Variants in PLCZ1 observed in about 807,000 individuals in gnomAD.
The protein encoded by PLCZ1 is phospholipase C zeta 1.
A neutral mutation model predicts 76.8 loss-of-function variants in PLCZ1; 64 were observed. The ratio of observed to expected loss-of-function variants is 0.83; its 90% CI spans 0.68 to 1.03. The LOEUF is 1.03. PLCZ1 is among the 50% of genes least tolerant of loss of function. PLCZ1 has a pLI of 0.00. For missense variants in PLCZ1, 751 were observed against 713.7 expected, an observed-to-expected ratio of 1.05 and a Z score of -0.60; for synonymous variants, 248 against 230.8, an observed-to-expected ratio of 1.07 and a Z score of -0.68.
the PLCZ1 span, among the ~76,000 whole-genome samples, chr12:18,649,771 A>G: frequency 7.2e-5 from 11 of 152,310 alleles, no homozygotes; most frequent in African/African-American, 2.6e-4. Flanking sequence ...TATTGGATAC[A>G]ATGAGTAACT....
intron 9 of PLCZ1, among the ~76,000 whole-genome samples, chr12:18,700,514 A>AAAAAAAG: frequency 8.0e-6 from 1 of 125,660 alleles, no homozygotes; most frequent in Admixed American, 7.9e-5. Context: ...CCAACGTACA[A>AAAAAAAG]AAAAAAAAAA....
intron 12 of PLCZ1, chr12:18,693,805 A>T: frequency 6.6e-7 from 1 of 1,519,714 alleles, no homozygotes; most frequent in Non-Finnish European, 9.1e-7. Flanking sequence ...CGCTTATCAG[A>T]CCAGGCCGCA....
intron 10 of PLCZ1, among the ~76,000 whole-genome samples, chr12:18,698,369 C>T (rs778309877): frequency 6.6e-6 from 1 of 151,408 alleles, no homozygotes; most frequent in African/African-American, 2.4e-5. Context: ...TAGTCCAGAC[C>T]TACTGAATTG....
chr12:18,736,238 C>T lies in PLCZ1; in HGVS notation c.118G>A (p.Val40Met), dbSNP rs1959232363. The T allele has an allele frequency of 1.9e-6, 3 of 1,612,576 alleles. No individual in the cohort carries two copies. Among genetic ancestry groups the T allele is most frequent in the South Asian group, 1.1e-5 (1 of 91,034 alleles). Residue 40 changes from valine (V) to methionine (M), a missense_variant, in exon 3 of 15, where the codon GTG becomes ATG. Val to Met is a conservative substitution (Grantham distance 21). Transcript: ENST00000266505. Reference sequence around the variant, plus strand: ...CATCTTACCTTAAAAATCTGTTTCACATGAATATAACTGCACCGAATATCT... The same window carrying T: ...CATCTTACCTTAAAAATCTGTTTCATATGAATATAACTGCACCGAATATCT... ...KLDIRCSYIH[V>M]KQIFKDNDRL...
At chr12:18,651,732 G>A in the PLCZ1 span, among the ~76,000 whole-genome samples, 1 of 152,080 alleles carries the variant, frequency 6.6e-6, no homozygotes, top group African/African-American at 2.4e-5. Flanking sequence ...ACCACCAATG[G>A]GAGCAATGCC....
At chr12:18,717,595 A>G (rs1958133032) in intron 5 of PLCZ1, among the ~76,000 whole-genome samples, 1 of 152,116 alleles carries the variant, frequency 6.6e-6, no homozygotes, top group Admixed American at 6.5e-5. Flanking sequence ...AAACTAATTG[A>G]TATCTCAAAC....
chr12:18,657,679 A>G, the PLCZ1 span, among the ~76,000 whole-genome samples: 5 of 152,224 alleles, frequency 3.3e-5, no homozygotes, highest in Non-Finnish European at 7.3e-5. Flanking sequence ...AACAACTACT[A>G]TAATAAGCAG....
chr12:18,664,958 G>A, the PLCZ1 span, among the ~76,000 whole-genome samples: 1 of 139,082 alleles, frequency 7.2e-6, no homozygotes, highest in East Asian at 2.2e-4. Context: ...ATTGAACAAT[G>A]AGGACACATG....
intron 5 of PLCZ1, chr12:18,714,961 A>G (rs573666957): frequency 6.6e-6 from 1 of 152,070 alleles, no homozygotes; most frequent in East Asian, 1.9e-4. Context: ...TAGTTTTTCC[A>G]AACAGAAGCA....
At chr12:18,668,768 A>G in the PLCZ1 span, among the ~76,000 whole-genome samples, 4 of 152,272 alleles carry the variant, frequency 2.6e-5, no homozygotes, top group South Asian at 8.3e-4. Flanking sequence ...TTGCTTGGGA[A>G]TGCTGCCTGC....
intron 3 of PLCZ1, among the ~76,000 whole-genome samples, chr12:18,727,966 G>T (rs1330470590): frequency 2.0e-5 from 3 of 152,164 alleles, no homozygotes; most frequent in Non-Finnish European, 4.4e-5. Flanking sequence ...GATAGGGTCA[G>T]AAGAAGAGTC....
intron 4 of PLCZ1, among the ~76,000 whole-genome samples, chr12:18,722,028 G>A (rs1017340536): frequency 6.6e-6 from 1 of 151,944 alleles, no homozygotes; most frequent in Admixed American, 6.6e-5. Context: ...CAGTCCTCCT[G>A]TTCCTTCAGT....
At chr12:18,661,712 C>T in the PLCZ1 span, among the ~76,000 whole-genome samples, 3 of 152,100 alleles carry the variant, frequency 2.0e-5, no homozygotes, top group Admixed American at 6.6e-5. Context: ...GAAATTAGGT[C>T]AGCCATTGTG....
rs1952596453 is a variant in PLCZ1, at chr12:18,683,198, T to C, written c.*41A>G. On this transcript the variant is annotated 3_prime_UTR_variant, in exon 15 of 15. Coordinates refer to ENST00000266505, the MANE Select transcript of PLCZ1 (RefSeq NM_033123.4). ...AAAGACATTCATTTTGGCTGTTTTA[T>C]TGCGATGCATAGCTAATGATATGTC... The C allele has an allele frequency of 1.3e-6, 2 of 1,545,344 alleles. No homozygotes were observed. The highest frequency in any genetic ancestry group is 2.7e-5 in the African/African-American group (2 of 73,504).
At chr12:18,672,516 G>C in the PLCZ1 span, among the ~76,000 whole-genome samples, 1 of 152,036 alleles carries the variant, frequency 6.6e-6, no homozygotes, top group Admixed American at 6.6e-5. Context: ...AATTTGTGTT[G>C]TTTAATATAC....
At chr12:18,664,077 T>A in the PLCZ1 span, among the ~76,000 whole-genome samples, 1 of 151,942 alleles carries the variant, frequency 6.6e-6, no homozygotes, top group Non-Finnish European at 1.5e-5. Flanking sequence ...ATGGCTACTA[T>A]CAAAAACCAA....
chr12:18,710,691 A>G (rs11044262), intron 6 of PLCZ1, among the ~76,000 whole-genome samples: 11 of 152,166 alleles, frequency 7.2e-5, no homozygotes, highest in Non-Finnish European at 1.5e-4. Context: ...GACAGTAAAA[A>G]TGGGCAGAGA....
At chr12:18,679,593 C>T (rs602308), downstream of PLCZ1, among the ~76,000 whole-genome samples, 91,245 of 151,620 alleles carry the variant, frequency 0.6, 27,661 homozygotes, top group South Asian at 0.66. Context: ...TCAATGTTTC[C>T]GAGCCTGTGT....
At chr12:18,679,284 T>A (rs917304087), downstream of PLCZ1, among the ~76,000 whole-genome samples, 2 of 151,684 alleles carry the variant, frequency 1.3e-5, no homozygotes, top group African/African-American at 4.9e-5. Flanking sequence ...AGGCAGAAGT[T>A]CTTTTTAAAA....
Sources: gnomAD v4.1 joint callset for allele counts (sites outside exome capture counted in the v4.1 genomes callset) on GRCh38, gnomAD v4.1.1 for gene constraint, MANE v1.5 for transcripts, NCBI Gene and HGNC (gene_info 2026-07-23, HGNC 2026-07-21) for gene names.